Variants in LMO4 observed in about 807,000 individuals in gnomAD.
LMO4 encodes the protein LIM domain only 4.
Under a neutral mutation model 18.5 loss-of-function variants are expected in LMO4, and 3 were observed. The observed-to-expected ratio is 0.16, with a 90% CI of 0.07 to 0.42. The LOEUF (loss-of-function observed/expected upper bound fraction) is 0.42. Ranked by LOEUF, LMO4 falls within the 10% of genes least tolerant of loss-of-function variation. LMO4 has a pLI of 0.99. For synonymous variants in LMO4, 100 were observed against 88.1 expected, an observed-to-expected ratio of 1.14 and a Z score of -0.76; for missense variants, 121 against 219.9, an observed-to-expected ratio of 0.55 and a Z score of 2.84.
chr1:87,335,678 ATTTCCC>A (rs907057808), intron 2 of LMO4, among the ~76,000 whole-genome samples: 2 of 152,114 alleles, frequency 1.3e-5, no homozygotes, highest in African/African-American at 4.8e-5. Flanking sequence ...CAGCGAGTTC[ATTTCCC>A]TGGTAATCAA....
rs1650691449 is a variant in LMO4, at chr1:87,348,315, G to C, written c.*3519G>C. 4.8e-6 allele frequency: 1 copy of C among 209,522 alleles called. No individual in the cohort carries two copies. The highest frequency in any genetic ancestry group is 9.9e-6 in the Non-Finnish European group (1 of 100,658). The allele number at this position is 209,522 out of a possible 1,614,324, so 13.0% of individuals were successfully genotyped here. ...CTATCCTGGGTGCTGTCCCACCTAT[G>C]ACCCCTTCAAGAGGCCATTGGAAAA... On this transcript the variant is annotated 3_prime_UTR_variant, in exon 5 of 5. Coordinates refer to ENST00000370544, the MANE Select transcript of LMO4 (RefSeq NM_006769.4).
At chr1:87,331,840 GCCTCC>G in intron 1 of LMO4, 168 bp from the exon 2 acceptor site, 5 of 584,940 alleles carry the variant, frequency 8.5e-6, no homozygotes, top group Admixed American at 3.1e-5. Context: ...CTGCCGGCGA[GCCTCC>G]CTTCTTCCCT....
At position 87,339,723 on chromosome 1, in the gene LMO4, G is replaced by C. The variant is rs1650419023; in HGVS notation, c.333+91G>C. The stretch of plus-strand genomic sequence containing the variant: ...AAAGCATTTCTCCTTGGTATGAACT[G>C]TTTTCTCAAGCTGCAGACACTTGAA... On this transcript the variant is annotated intron_variant, in intron 3 of 4. Coordinates refer to ENST00000370544, the MANE Select transcript of LMO4 (RefSeq NM_006769.4). The C allele has an allele frequency of 8.5e-6, 7 of 820,984 alleles. No individual in the cohort carries two copies. In the East Asian group the frequency reaches 1.9e-4, roughly 22 times the overall value. The allele number at this position is 820,984 out of a possible 1,614,324, so 50.9% of individuals were successfully genotyped here. A position where few individuals can be genotyped will look rare whatever the true frequency, so the allele number is the denominator to read the frequency against.
intron 2 of LMO4, among the ~76,000 whole-genome samples, chr1:87,338,160 A>G (rs1033718576): frequency 9.2e-5 from 14 of 152,328 alleles, no homozygotes; most frequent in African/African-American, 3.4e-4. Flanking sequence ...GCGACAGCAA[A>G]TTAGTAGTTT....
In LMO4 at chr1:87,348,081, A is replaced by C. The variant is rs1279297836; in HGVS notation, c.*3285A>C. ...AAGCTCTTAAAGGGCTTTAAATGTC[A>C]ATATAGTAAGATTCTAATGTGCACT... On this transcript the variant is annotated 3_prime_UTR_variant, in exon 5 of 5. Coordinates refer to ENST00000370544, the MANE Select transcript of LMO4 (RefSeq NM_006769.4). 1 of 152,220 alleles carries C rather than the reference A, an allele frequency of 6.6e-6. No individual in the cohort carries two copies. Among genetic ancestry groups the C allele is most frequent in the Non-Finnish European group, 1.5e-5 (1 of 68,054 alleles). 9.4% of individuals were successfully genotyped at this position (152,220 alleles called of 1,614,324 possible).
chr1:87,343,374 T>A (rs1419336046), intron 4 of LMO4, among the ~76,000 whole-genome samples: 1 of 152,210 alleles, frequency 6.6e-6, no homozygotes, highest in African/African-American at 2.4e-5. Flanking sequence ...ATAACCTATA[T>A]CACTTAAAGG....
At chr1:87,331,543 C>G (rs1650146534) in intron 1 of LMO4, 1 of 162,876 alleles carries the variant, frequency 6.1e-6, no homozygotes, top group African/African-American at 2.4e-5. Flanking sequence ...CCCCACTCCT[C>G]TCGGCTCTGT....
At chr1:87,338,470 G>A (rs1449149890) in intron 2 of LMO4, among the ~76,000 whole-genome samples, 1 of 152,042 alleles carries the variant, frequency 6.6e-6, no homozygotes, top group African/African-American at 2.4e-5. Context: ...AAATCATTTT[G>A]GTCTGTTTAA....
intron 4 of LMO4, 94 bp downstream of exon 4, chr1:87,340,296 T>C (rs1398151120): frequency 2.6e-6 from 3 of 1,153,980 alleles, no homozygotes; most frequent in East Asian, 4.7e-5. Context: ...GGTGGTTGTA[T>C]TTTTGCATGC....
chr1:87,333,887 C>T (rs571714267), intron 2 of LMO4, among the ~76,000 whole-genome samples: 2 of 150,942 alleles, frequency 1.3e-5, no homozygotes, highest in South Asian at 4.2e-4. Context: ...GAAAAATTGA[C>T]AGTGCTGTTA....
intron 2 of LMO4, among the ~76,000 whole-genome samples, chr1:87,338,128 A>G (rs1485209301): frequency 6.6e-6 from 1 of 152,216 alleles, no homozygotes; most frequent in African/African-American, 2.4e-5. Context: ...ATAACAACTT[A>G]CAGGCTATTT....
At chr1:87,335,880 A>T (rs1650295996) in intron 2 of LMO4, among the ~76,000 whole-genome samples, 1 of 152,080 alleles carries the variant, frequency 6.6e-6, no homozygotes, top group South Asian at 2.1e-4. Context: ...AGAAAAAAAA[A>T]AAAAACAGGA....
chr1:87,342,794 G>A (rs1167660936), intron 4 of LMO4, among the ~76,000 whole-genome samples: 1 of 152,094 alleles, frequency 6.6e-6, no homozygotes, highest in Non-Finnish European at 1.5e-5. Context: ...TTAATGAGAG[G>A]GCAAGGGGGA....
At chr1:87,339,896 TTTCTGGAGA>T in intron 3 of LMO4, 142 bp from the exon 4 acceptor site, 1 of 864,042 alleles carries the variant, frequency 1.2e-6, no homozygotes, top group Non-Finnish European at 1.8e-6. Flanking sequence ...GGCTTACTGT[TTTCTGGAGA>T]TCTGTCAAAG....
rs964762899 is a variant in LMO4, at chr1:87,347,605, G to A, written c.*2809G>A. On this transcript the variant is annotated 3_prime_UTR_variant, in exon 5 of 5. Transcript: ENST00000370544. ...GCAAGATGGCCCCCAGTCCCTACAAGCAAGTGCAATTAAAAATAAAAGCAA... is the reference window on the plus strand; with the variant it reads ...GCAAGATGGCCCCCAGTCCCTACAAACAAGTGCAATTAAAAATAAAAGCAA... The A allele has an allele frequency of 6.6e-6, 1 of 152,068 alleles. No homozygotes were observed. Among genetic ancestry groups the A allele is most frequent in the African/African-American group, 2.4e-5 (1 of 41,396 alleles). 9.4% of individuals were successfully genotyped at this position (152,068 alleles called of 1,614,324 possible).
At position 87,345,055 on chromosome 1, in the gene LMO4, T is replaced by G; in HGVS notation, c.*259T>G. ...ATGAAAAAAGATCCACCAGAGGACA[T>G]CTTGGGGAGGGGGAGGGAGCTGGGG... is the stretch of plus-strand genomic sequence containing the variant. On this transcript the variant is annotated 3_prime_UTR_variant, in exon 5 of 5. Transcript: ENST00000370544. 1 of 183,102 alleles carries G rather than the reference T, an allele frequency of 5.5e-6. No homozygotes were observed. Among genetic ancestry groups the G allele is most frequent in the Non-Finnish European group, 1.1e-5 (1 of 93,142 alleles). The allele number at this position is 183,102 out of a possible 1,614,324, so 11.3% of individuals were successfully genotyped here. A position where few individuals can be genotyped will look rare whatever the true frequency, so the allele number is the denominator to read the frequency against.
intron 2 of LMO4, among the ~76,000 whole-genome samples, chr1:87,337,520 G>T (rs1650348923): frequency 6.6e-6 from 1 of 152,060 alleles, no homozygotes; most frequent in African/African-American, 2.4e-5. Context: ...AATACTTCAG[G>T]GTTGCTGTAA....
rs1650604680 is a variant in LMO4, at chr1:87,345,610, T to G, written c.*814T>G. 1 of 152,366 alleles carries G rather than the reference T, an allele frequency of 6.6e-6. No individual in the cohort carries two copies. Among genetic ancestry groups the G allele is most frequent in the South Asian group, 2.1e-4 (1 of 4,832 alleles). 9.4% of individuals were successfully genotyped at this position (152,366 alleles called of 1,614,324 possible). On this transcript the variant is annotated 3_prime_UTR_variant, in exon 5 of 5. Coordinates refer to ENST00000370544, the MANE Select transcript of LMO4 (RefSeq NM_006769.4). ...ATGGTGTTTGGGTTTAAACACTGCT[T>G]TTTCTCTTCTGTATTTTGAAGAAAT...
intron 2 of LMO4, among the ~76,000 whole-genome samples, chr1:87,337,695 C>T (rs1196825741): frequency 2.0e-5 from 3 of 152,178 alleles, no homozygotes. Context: ...GTTGGAATAG[C>T]ACTACTGCCG....
Sources: gnomAD v4.1 joint callset for allele counts (sites outside exome capture counted in the v4.1 genomes callset) on GRCh38, gnomAD v4.1.1 for gene constraint, MANE v1.5 for transcripts, NCBI Gene and HGNC (gene_info 2026-07-23, HGNC 2026-07-21) for gene names.